JPH3: variants seen among roughly 807,000 people sequenced by gnomAD.
The protein encoded by JPH3 is junctophilin-3.
In JPH3, 11 loss-of-function variants were observed where a neutral mutation model predicts 59.6. The ratio of observed to expected loss-of-function variants is 0.18; its 90% CI spans 0.12 to 0.31. JPH3 has a LOEUF of 0.31. JPH3 is among the 10% of genes least tolerant of loss of function. JPH3 has a pLI of 1.00. For missense variants in JPH3, 1,202 were observed against 1,105.7 expected, an observed-to-expected ratio of 1.09 and a Z score of -1.24; for synonymous variants, 673 against 483.6, an observed-to-expected ratio of 1.39 and a Z score of -5.14.
chr16:87,656,506 A>G (rs2032506739), intron 2 of JPH3, among the ~76,000 whole-genome samples: 1 of 152,180 alleles, frequency 6.6e-6, no homozygotes, highest in Non-Finnish European at 1.5e-5. Context: ...AGTTCATATG[A>G]GGGTGAAGGA....
rs1481726810 is a variant in JPH3, at chr16:87,602,627, A to G, written c.-520A>G. On this transcript the variant is annotated 5_prime_UTR_variant, in exon 1 of 5. Coordinates refer to ENST00000284262, the MANE Select transcript of JPH3 (RefSeq NM_020655.4). Reference sequence around the variant, plus strand: ...CCCCGCGCCCGGCCCGCGGCCCCCAATATGGTGCAGCCGCCAGCGCCGCCG... The same window carrying G: ...CCCCGCGCCCGGCCCGCGGCCCCCAGTATGGTGCAGCCGCCAGCGCCGCCG... Among the ~76,000 whole-genome samples, 6 of 119,874 alleles carry G rather than the reference A, an allele frequency of 5.0e-5. No homozygotes were observed. Among genetic ancestry groups the G allele is most frequent in the Non-Finnish European group, 7.1e-5 (4 of 56,084 alleles). The allele number at this position is 119,874 out of a possible 152,430, so 78.6% of individuals were successfully genotyped here. A position where few individuals can be genotyped will look rare whatever the true frequency, so the allele number is the denominator to read the frequency against.
chr16:87,609,987 C>T (rs2030672273), intron 1 of JPH3, among the ~76,000 whole-genome samples: 1 of 152,160 alleles, frequency 6.6e-6, no homozygotes, highest in Non-Finnish European at 1.5e-5. Flanking sequence ...AGTTTGTTTT[C>T]CTACAACTAG....
chr16:87,659,342 A>G (rs1026250050), intron 2 of JPH3, among the ~76,000 whole-genome samples: 2 of 140,214 alleles, frequency 1.4e-5, no homozygotes, highest in African/African-American at 2.8e-5. Context: ...AAGCCACTGC[A>G]CTCCAGCCTG....
chr16:87,674,239 C>T (rs2033089327), intron 2 of JPH3, among the ~76,000 whole-genome samples: 1 of 152,056 alleles, frequency 6.6e-6, no homozygotes, highest in Non-Finnish European at 1.5e-5. Context: ...GAGTGTGAGG[C>T]AGGAGAATGG....
At chr16:87,659,335 C>G (rs1469865434) in intron 2 of JPH3, among the ~76,000 whole-genome samples, 1 of 140,180 alleles carries the variant, frequency 7.1e-6, no homozygotes, top group East Asian at 2.0e-4. Flanking sequence ...CAAGATCAAG[C>G]CACTGCACTC....
intron 4 of JPH3, among the ~76,000 whole-genome samples, chr16:87,691,163 C>T (rs999633473): frequency 4.6e-5 from 7 of 151,794 alleles, no homozygotes; most frequent in East Asian, 3.9e-4. Flanking sequence ...AGACTCGGCG[C>T]GAGGCTGGGG....
At chr16:87,657,237 G>A (rs569028875) in intron 2 of JPH3, among the ~76,000 whole-genome samples, 3 of 152,328 alleles carry the variant, frequency 2.0e-5, no homozygotes, top group African/African-American at 7.2e-5. Context: ...TAAAAAAACA[G>A]TATCTTAAGG....
chr16:87,631,731 T>G (rs1772222977), intron 1 of JPH3, among the ~76,000 whole-genome samples: 2 of 152,188 alleles, frequency 1.3e-5, no homozygotes, highest in African/African-American at 4.8e-5. Flanking sequence ...GATGAGTCCT[T>G]TAATTTTCTT....
intron 2 of JPH3, among the ~76,000 whole-genome samples, chr16:87,652,266 C>T (rs541641225): frequency 3.9e-5 from 6 of 152,266 alleles, no homozygotes; most frequent in South Asian, 4.1e-4. Context: ...TGAGCCACCG[C>T]GCCCAGCCTG....
chr16:87,658,465 C>T (rs2032584100), intron 2 of JPH3, among the ~76,000 whole-genome samples: 1 of 151,236 alleles, frequency 6.6e-6, no homozygotes, highest in South Asian at 2.1e-4. Flanking sequence ...TCTCTCTGTC[C>T]TATTTTTCTC....
chr16:87,649,649 C>T (rs1034669835), intron 2 of JPH3, among the ~76,000 whole-genome samples: 2 of 152,200 alleles, frequency 1.3e-5, no homozygotes, highest in African/African-American at 4.8e-5. Flanking sequence ...TCCCCACCCG[C>T]CGTGGAAACC....
chr16:87,659,374 C>CAAAAAAAAAAAAAAAAAAAAAAAAA (rs1354448370), intron 2 of JPH3, among the ~76,000 whole-genome samples: 10 of 74,528 alleles, frequency 1.3e-4, no homozygotes, highest in Non-Finnish European at 2.0e-4. Flanking sequence ...AAGACTGTCT[C>CAAAAAAAAAAAAAAAAAAAAAAAAA]AAAAAAAAAA....
chr16:87,686,972 C>T (rs1189736767), intron 3 of JPH3, among the ~76,000 whole-genome samples: 5 of 152,196 alleles, frequency 3.3e-5, no homozygotes, highest in Non-Finnish European at 4.4e-5. Context: ...CACCTCGGTC[C>T]GATCTGCCAC....
At chr16:87,685,457 C>G (rs759504161) in intron 3 of JPH3, among the ~76,000 whole-genome samples, 82 of 152,402 alleles carry the variant, frequency 5.4e-4, no homozygotes, top group Non-Finnish European at 7.8e-4. Context: ...CCCTGAGTTT[C>G]CTTCTCCCTG....
Position 87,671,021 on chromosome 16 carries a change from G to T in JPH3, c.1161-13121G>T, listed in dbSNP as rs888860387. On this transcript the variant is annotated intron_variant, in intron 2 of 4. Coordinates refer to ENST00000284262, the MANE Select transcript of JPH3 (RefSeq NM_020655.4). ...AGGTGCCTGGGGCTGGAATCCTGGG[G>T]CTGTGGCCCGTACAGTCGCCCGGGA... Among the ~76,000 whole-genome samples, 4 of 152,328 alleles carry T rather than the reference G, an allele frequency of 2.6e-5. No individual in the cohort carries two copies. In the East Asian group the frequency reaches 5.8e-4, roughly 22 times the overall value.
chr16:87,677,223 C>CAA lies in JPH3; in HGVS notation c.1161-6918_1161-6917insAA, dbSNP rs1475157864. Among the ~76,000 whole-genome samples the CAA allele has an allele frequency of 9.9e-5, 11 of 111,472 alleles. No homozygotes were observed. In the East Asian group the frequency reaches 1.7e-3, roughly 17 times the overall value. The allele number at this position is 111,472 out of a possible 152,430, so 73.1% of individuals were successfully genotyped here. On this transcript the variant is annotated intron_variant, in intron 2 of 4. Coordinates refer to ENST00000284262, the MANE Select transcript of JPH3 (RefSeq NM_020655.4). Reference sequence around the variant, plus strand: ...ACACACACACACACACACACACACACACAAAAAAAAAAATTAGCCGGGTGT... The same window carrying CAA: ...ACACACACACACACACACACACACACAAACAAAAAAAAAAATTAGCCGGGTGT...
intron 3 of JPH3, among the ~76,000 whole-genome samples, chr16:87,685,967 G>C (rs774699348): frequency 1.3e-5 from 2 of 152,174 alleles, no homozygotes; most frequent in Non-Finnish European, 2.9e-5. Context: ...GCCTGGATTG[G>C]GGTGAGTCCT....
intron 3 of JPH3, among the ~76,000 whole-genome samples, chr16:87,686,985 C>G (rs1386480233): frequency 2.0e-5 from 3 of 152,234 alleles, no homozygotes; most frequent in Non-Finnish European, 4.4e-5. Context: ...TCTGCCACCT[C>G]TTTGGGTGGC....
At chr16:87,663,869 T>C (rs8043599) in intron 2 of JPH3, among the ~76,000 whole-genome samples, 10,107 of 152,246 alleles carry the variant, frequency 0.066, 1,151 homozygotes, top group African/African-American at 0.23. Context: ...GAGTGCCCTT[T>C]CCCTAACCCC....
Sources: gnomAD v4.1 joint callset for allele counts (sites outside exome capture counted in the v4.1 genomes callset) on GRCh38, gnomAD v4.1.1 for gene constraint, MANE v1.5 for transcripts, NCBI Gene and HGNC (gene_info 2026-07-23, HGNC 2026-07-21) for gene names.